Variants in PTPRM observed in about 807,000 individuals in gnomAD.
The protein encoded by PTPRM is protein tyrosine phosphatase receptor type M.
A neutral mutation model predicts 186.7 loss-of-function variants in PTPRM; 47 were observed. That is an observed-to-expected ratio of 0.25 (90% CI 0.20 to 0.32). PTPRM has a LOEUF of 0.32. PTPRM is among the 10% of genes least tolerant of loss of function. PTPRM has a pLI of 1.00. For synonymous variants in PTPRM, 668 were observed against 674.9 expected, an observed-to-expected ratio of 0.99 and a Z score of 0.16; for missense variants, 1,494 against 1,865.0, an observed-to-expected ratio of 0.80 and a Z score of 3.66.
intron 2 of PTPRM, among the ~76,000 whole-genome samples, chr18:7,854,172 G>T (rs1275567925): frequency 6.6e-6 from 1 of 152,148 alleles, no homozygotes; most frequent in East Asian, 1.9e-4. Flanking sequence ...AGTTGCTTTT[G>T]AAGAAGTGGT....
chr18:7,677,533 T>C (rs910021604), intron 1 of PTPRM, among the ~76,000 whole-genome samples: 1 of 152,152 alleles, frequency 6.6e-6, no homozygotes, highest in African/African-American at 2.4e-5. Context: ...CTTACTTCTC[T>C]GGTTGATGAA....
chr18:8,325,626 C>T (rs1026660889), intron 22 of PTPRM, among the ~76,000 whole-genome samples: 1 of 152,090 alleles, frequency 6.6e-6, no homozygotes, highest in African/African-American at 2.4e-5. Flanking sequence ...GTGATGAACA[C>T]ATGTATGTAT....
intron 13 of PTPRM, among the ~76,000 whole-genome samples, chr18:8,120,728 C>G (rs1031672045): frequency 1.3e-5 from 2 of 152,116 alleles, no homozygotes; most frequent in Admixed American, 6.5e-5. Context: ...CTCCTGAGCT[C>G]AAGCGATCCA....
At chr18:8,265,286 A>G (rs1400029506) in intron 19 of PTPRM, among the ~76,000 whole-genome samples, 1 of 152,100 alleles carries the variant, frequency 6.6e-6, no homozygotes, top group Non-Finnish European at 1.5e-5. Flanking sequence ...CTAGTTTCTC[A>G]TTGTCTGAGG....
Position 8,069,852 on chromosome 18 carries a change from A to G in PTPRM, c.1299A>G (p.Val433=), listed in dbSNP as rs1297316831. The G allele has an allele frequency of 1.2e-6, 2 of 1,614,036 alleles. No individual in the cohort carries two copies. Among genetic ancestry groups the G allele is most frequent in the East Asian group, 4.5e-5 (2 of 44,874 alleles). ...GACAAGAACAAGTGCGAGAAGAAGT[A>G]AGCTGGGATACAGAAAACTCACACC... ...VGGQEQVREE[V]SWDTENSHPQ... Residue 433 remains valine (V), a synonymous_variant, in exon 8 of 33, where the codon GTA becomes GTG. Coordinates refer to ENST00000580170, the MANE Select transcript of PTPRM (RefSeq NM_001105244.2).
intron 1 of PTPRM, among the ~76,000 whole-genome samples, chr18:7,600,641 C>G (rs973852484): frequency 2.0e-5 from 3 of 152,340 alleles, no homozygotes; most frequent in Middle Eastern, 3.4e-3. Flanking sequence ...ACTTGGTTCC[C>G]TTGCTCATTC....
intron 14 of PTPRM, among the ~76,000 whole-genome samples, chr18:8,197,774 A>G (rs1196686987): frequency 2.0e-5 from 3 of 152,222 alleles, no homozygotes; most frequent in Admixed American, 6.5e-5. Flanking sequence ...ATGTTCACAC[A>G]TAGTGAAAGA....
At chr18:8,400,583 G>A (rs576721054) in intron 32 of PTPRM, among the ~76,000 whole-genome samples, 15 of 152,268 alleles carry the variant, frequency 9.9e-5, no homozygotes, top group African/African-American at 2.6e-4. Flanking sequence ...AGTGCCATGC[G>A]GCGGTGTTCA....
chr18:7,984,602 T>TACACACACACAC (rs1555676946), intron 7 of PTPRM, among the ~76,000 whole-genome samples: 2 of 87,174 alleles, frequency 2.3e-5, no homozygotes, highest in African/African-American at 9.8e-5. Flanking sequence ...TATATATATA[T>TACACACACACAC]ACACACACAC....
intron 11 of PTPRM, among the ~76,000 whole-genome samples, chr18:8,104,735 A>G (rs2091443866): frequency 6.6e-6 from 1 of 152,196 alleles, no homozygotes; most frequent in African/African-American, 2.4e-5. Context: ...GGCATGAGGT[A>G]CCACACCCAG....
chr18:8,179,685 G>T (rs773218559), intron 14 of PTPRM, among the ~76,000 whole-genome samples: 3 of 151,814 alleles, frequency 2.0e-5, no homozygotes, highest in Non-Finnish European at 4.4e-5. Flanking sequence ...GGCCAGGATG[G>T]TCTTGATCTC....
intron 19 of PTPRM, among the ~76,000 whole-genome samples, chr18:8,272,298 T>A (rs754722663): frequency 1.3e-5 from 2 of 152,000 alleles, no homozygotes; most frequent in Non-Finnish European, 2.9e-5. Flanking sequence ...TTTTAAAAAT[T>A]TCTTTTAATA....
intron 1 of PTPRM, among the ~76,000 whole-genome samples, chr18:7,606,335 C>T (rs974291600): frequency 2.0e-5 from 3 of 151,952 alleles, no homozygotes; most frequent in Admixed American, 6.6e-5. Context: ...GGCATCTTAC[C>T]GTAGTGGCTT....
At chr18:8,023,868 A>ACGCG (rs149154904) in intron 7 of PTPRM, among the ~76,000 whole-genome samples, 19 of 144,460 alleles carry the variant, frequency 1.3e-4, no homozygotes, top group South Asian at 4.6e-4. Context: ...ACACACACAC[A>ACGCG]CACGCACACC....
chr18:7,618,238 T>C (rs1456463849), intron 1 of PTPRM, among the ~76,000 whole-genome samples: 2 of 152,192 alleles, frequency 1.3e-5, no homozygotes. Flanking sequence ...AACACTAAGA[T>C]AAAGAAAATG....
intron 1 of PTPRM, among the ~76,000 whole-genome samples, chr18:7,675,747 T>TC (rs1191023703): frequency 2.0e-5 from 3 of 151,792 alleles, no homozygotes; most frequent in African/African-American, 7.3e-5. Context: ...CATTTTTTTT[T>TC]TTTTTGAGAC....
At chr18:7,735,806 T>C (rs7230840) in intron 1 of PTPRM, among the ~76,000 whole-genome samples, 8,133 of 152,102 alleles carry the variant, frequency 0.053, 559 homozygotes, top group African/African-American at 0.15. Flanking sequence ...TAACAAGAAC[T>C]TTGGCTTCCA....
At chr18:7,915,420 G>A (rs963478722) in intron 4 of PTPRM, among the ~76,000 whole-genome samples, 1 of 152,098 alleles carries the variant, frequency 6.6e-6, no homozygotes, top group Admixed American at 6.5e-5. Context: ...GTATACACCT[G>A]ATGTTACAAT....
intron 24 of PTPRM, among the ~76,000 whole-genome samples, chr18:8,373,886 GAA>G (rs563237434): frequency 1.5e-5 from 2 of 129,682 alleles, no homozygotes; most frequent in Non-Finnish European, 1.7e-5. Flanking sequence ...CCCTGTCTCG[GAA>G]AAAAAAAAAA....
Sources: allele counts gnomAD v4.1 joint callset (sites outside exome capture counted in the v4.1 genomes callset), GRCh38; gene constraint gnomAD v4.1.1; transcripts MANE v1.5; gene names NCBI Gene and HGNC (gene_info 2026-07-23, HGNC 2026-07-21).